FAM91A1: variants seen among roughly 807,000 people sequenced by gnomAD.
The protein encoded by FAM91A1 is protein FAM91A1.
Under a neutral mutation model 113.5 loss-of-function variants are expected in FAM91A1, and 41 were observed. The ratio of observed to expected loss-of-function variants is 0.36; its 90% CI spans 0.28 to 0.47. FAM91A1 has a LOEUF of 0.47. Ranked by LOEUF, FAM91A1 falls within the 20% of genes least tolerant of loss-of-function variation. The pLI, the probability that FAM91A1 is intolerant of heterozygous loss-of-function variation, is 1.00. For synonymous variants in FAM91A1, 307 were observed against 347.9 expected, an observed-to-expected ratio of 0.88 and a Z score of 1.31; for missense variants, 696 against 1,001.2, an observed-to-expected ratio of 0.70 and a Z score of 4.11.
In FAM91A1 at chr8:123,779,386, A is replaced by G. The variant is rs1020412346; in HGVS notation, c.550-599A>G. On this transcript the variant is annotated intron_variant, in intron 6 of 23. Transcript: ENST00000334705. Reference sequence around the variant, plus strand: ...GAGAGTTGATATTCCCAGTGGTCAGACCACATCTTAGAAGGGATATTGGTT... The same window carrying G: ...GAGAGTTGATATTCCCAGTGGTCAGGCCACATCTTAGAAGGGATATTGGTT... 2.0e-5 allele frequency among the ~76,000 whole-genome samples: 3 copies of G among 152,194 alleles called. No homozygotes were observed. In the South Asian group the frequency reaches 6.2e-4, roughly 31 times the overall value.
chr8:123,808,811 A>G (rs182102967), intron 21 of FAM91A1, 82 bp from the exon 22 acceptor site: 2 of 1,336,924 alleles, frequency 1.5e-6, no homozygotes, highest in African/African-American at 2.9e-5. Flanking sequence ...ACTTCAGGTT[A>G]AGAAACCCTT....
intron 15 of FAM91A1, among the ~76,000 whole-genome samples, chr8:123,791,422 A>G (rs1179921990): frequency 2.0e-5 from 3 of 152,074 alleles, no homozygotes; most frequent in Non-Finnish European, 2.9e-5. Flanking sequence ...ATGAATAGTC[A>G]GTGTACCATG....
At chr8:123,778,133 C>T (rs1815033194) in intron 5 of FAM91A1, 41 bp downstream of exon 5, 1 of 1,473,660 alleles carries the variant, frequency 6.8e-7, no homozygotes, top group Admixed American at 1.8e-5. Flanking sequence ...GGCCTCATCA[C>T]ACAGTTTGAT....
chr8:123,801,530 A>G (rs1431928867), intron 18 of FAM91A1, among the ~76,000 whole-genome samples: 1 of 152,260 alleles, frequency 6.6e-6, no homozygotes, highest in Non-Finnish European at 1.5e-5. Flanking sequence ...TTTTGCGCTA[A>G]TTAATATCAA....
At chr8:123,802,617 A>G (rs1185245034) in intron 18 of FAM91A1, among the ~76,000 whole-genome samples, 1 of 152,202 alleles carries the variant, frequency 6.6e-6, no homozygotes, top group African/African-American at 2.4e-5. Flanking sequence ...GAGGTTAGAC[A>G]AGAGTGATTA....
In FAM91A1 at chr8:123,813,113, G is replaced by A. The variant is rs1815998638; in HGVS notation, c.*409G>A. The A allele has an allele frequency of 6.5e-6, 1 of 153,354 alleles. No individual in the cohort carries two copies. The highest frequency in any genetic ancestry group is 2.4e-5 in the African/African-American group (1 of 41,420). The allele number at this position is 153,354 out of a possible 1,614,324, so 9.5% of individuals were successfully genotyped here. A position where few individuals can be genotyped will look rare whatever the true frequency, so the allele number is the denominator to read the frequency against. On this transcript the variant is annotated 3_prime_UTR_variant, in exon 24 of 24. Coordinates refer to ENST00000334705, the MANE Select transcript of FAM91A1 (RefSeq NM_144963.4). The stretch of plus-strand genomic sequence containing the variant: ...ACTTTGGGGGATCAAGGGAAGAGAT[G>A]GAACTCTTCCTCTGAAAAGGCTTCT...
rs550199740 is a variant in FAM91A1 at position 123,780,129 on chromosome 8, A to G, written c.640+54A>G. On this transcript the variant is annotated intron_variant, in intron 7 of 23. Coordinates refer to ENST00000334705, the MANE Select transcript of FAM91A1 (RefSeq NM_144963.4). The stretch of plus-strand genomic sequence containing the variant: ...TCAACATAAAAACTTGTTTTAAACC[A>G]TCAATAATTACTAGCAATTACTTAT... 2.1e-6 allele frequency: 3 copies of G among 1,452,958 alleles called. No homozygotes were observed. In the Admixed American group the frequency reaches 5.4e-5, roughly 26 times the overall value. The allele number at this position is 1,452,958 out of a possible 1,614,324, so 90.0% of individuals were successfully genotyped here.
rs1814808146 is a variant in FAM91A1, at chr8:123,770,214, G to A, written c.72+1440G>A. ...GATCCGCCCGTCTCGGCCTTCCAAAGTGCTGGGATTACAGGCGTGAGCCAC... is the reference window on the plus strand; with the variant it reads ...GATCCGCCCGTCTCGGCCTTCCAAAATGCTGGGATTACAGGCGTGAGCCAC... On this transcript the variant is annotated intron_variant, in intron 1 of 23. Transcript: ENST00000334705. Among the ~76,000 whole-genome samples, 3 of 152,204 alleles carry A rather than the reference G, an allele frequency of 2.0e-5. No individual in the cohort carries two copies. In the South Asian group the frequency reaches 6.2e-4, roughly 32 times the overall value.
At chr8:123,810,402 G>A (rs1815923268) in intron 23 of FAM91A1, 51 bp downstream of exon 23, 1 of 1,471,444 alleles carries the variant, frequency 6.8e-7, no homozygotes, top group Non-Finnish European at 9.5e-7. Context: ...CTTTAAGTAT[G>A]CACAACACTT....
chr8:123,794,434 A>G (rs972319195), intron 15 of FAM91A1, among the ~76,000 whole-genome samples: 3 of 152,248 alleles, frequency 2.0e-5, no homozygotes, highest in Non-Finnish European at 2.9e-5. Context: ...ACACAGTGAC[A>G]TTGCAGTTGA....
chr8:123,777,477 C>T (rs1815014604), intron 4 of FAM91A1, among the ~76,000 whole-genome samples, 155 bp downstream of exon 4: 2 of 152,086 alleles, frequency 1.3e-5, no homozygotes, highest in African/African-American at 4.8e-5. Context: ...TCAGATGATA[C>T]CAGATGCATG....
At chr8:123,790,788 A>G (rs1247719697) in intron 15 of FAM91A1, among the ~76,000 whole-genome samples, 2 of 152,192 alleles carry the variant, frequency 1.3e-5, no homozygotes, top group African/African-American at 2.4e-5. Context: ...TGCAGCCTTA[A>G]TATGCCTTAT....
intron 3 of FAM91A1, among the ~76,000 whole-genome samples, chr8:123,777,035 G>A (rs745490546): frequency 1.3e-5 from 2 of 152,284 alleles, no homozygotes; most frequent in South Asian, 2.1e-4. Flanking sequence ...CCTGGGATTC[G>A]TAGAGAGCCT....
Position 123,798,793 on chromosome 8 carries a change from G to C in FAM91A1, c.1560+555G>C, listed in dbSNP as rs143332707. Among the ~76,000 whole-genome samples the C allele has an allele frequency of 2.4e-3, 370 of 152,260 alleles. 1 individual carries two copies. Among genetic ancestry groups the C allele is most frequent in the African/African-American group, 8.7e-3 (363 of 41,546 alleles). Reference sequence around the variant, plus strand: ...GTTCTTCAGTGCTGCATCTTACCTGGGTTCCTAGACAATGCAGGGTTTAAT... The same window carrying C: ...GTTCTTCAGTGCTGCATCTTACCTGCGTTCCTAGACAATGCAGGGTTTAAT... On this transcript the variant is annotated intron_variant, in intron 16 of 23. Transcript: ENST00000334705.
At chr8:123,777,943 G>A in intron 4 of FAM91A1, 82 bp from the exon 5 acceptor site, 1 of 1,205,216 alleles carries the variant, frequency 8.3e-7, no homozygotes. Context: ...AATAAGCTCG[G>A]GTTTTTCCTA....
At chr8:123,786,041 A>C in intron 11 of FAM91A1, 1 of 405,626 alleles carries the variant, frequency 2.5e-6, no homozygotes, top group Non-Finnish European at 4.8e-6. Flanking sequence ...CTGGTGTCGA[A>C]CTCCTGGCCC....
chr8:123,799,697 G>A, intron 17 of FAM91A1, 43 bp downstream of exon 17: 1 of 1,610,398 alleles, frequency 6.2e-7, no homozygotes, highest in African/African-American at 1.3e-5. Flanking sequence ...GTGTGTGTGA[G>A]CAGTATGCTA....
Position 123,785,733 on chromosome 8 carries a change from C to T in FAM91A1, c.954C>T (p.Asn318=). ...CATGGAAGAATGTTCCATCCGTAAA[C>T]AGATTAAAGTAACTTAAATTTATTC... ...HSSWKNVPSV[N]RLKSTLDPQK... The change falls in exon 11 of 24, where the codon AAC becomes AAT. Residue 318 remains asparagine, a synonymous_variant. Transcript: ENST00000334705. 1 of 1,585,526 alleles carries T rather than the reference C, an allele frequency of 6.3e-7. No homozygotes were observed.
At chr8:123,803,849 C>G (rs1000894710) in intron 18 of FAM91A1, among the ~76,000 whole-genome samples, 2 of 152,072 alleles carry the variant, frequency 1.3e-5, no homozygotes, top group African/African-American at 4.8e-5. Flanking sequence ...TTGGATATAT[C>G]AGGGTTTCTT....
Sources: gnomAD v4.1 joint callset for allele counts (sites outside exome capture counted in the v4.1 genomes callset) on GRCh38, gnomAD v4.1.1 for gene constraint, MANE v1.5 for transcripts, NCBI Gene and HGNC (gene_info 2026-07-23, HGNC 2026-07-21) for gene names.